Variants in GUCY2D observed in about 807,000 individuals in gnomAD.
GUCY2D encodes the protein retinal guanylyl cyclase 1.
GUCY2D carries 70 observed loss-of-function variants against 101.3 expected under a neutral mutation model. That is an observed-to-expected ratio of 0.69 (90% CI 0.57 to 0.84). GUCY2D has a LOEUF of 0.84. Ranked by LOEUF, GUCY2D falls within the 40% of genes least tolerant of loss-of-function variation. GUCY2D has a pLI of 0.00. For synonymous variants in GUCY2D, 688 were observed against 670.7 expected (o/e 1.03, Z -0.40); for missense variants, 1,460 against 1,542.5 (o/e 0.95, Z 0.90).
At position 8,012,351 on chromosome 17, in the gene GUCY2D, G is replaced by A. The variant is rs763568920; in HGVS notation, c.1956+1G>A. On this transcript the variant is annotated splice_donor_variant, in intron 9 of 19. Coordinates refer to ENST00000254854, the MANE Select transcript of GUCY2D (RefSeq NM_000180.4). LOFTEE classifies it high-confidence loss of function. Reference sequence around the variant, plus strand: ...CTCCCTCCTGCTGGACCTTATCAAGGTGTGTGTCTGGGGGTGGTGGGGTGA... The same window carrying A: ...CTCCCTCCTGCTGGACCTTATCAAGATGTGTGTCTGGGGGTGGTGGGGTGA... The A allele has an allele frequency of 6.2e-7, 1 of 1,612,348 alleles. No individual in the cohort carries two copies. Among genetic ancestry groups the A allele is most frequent in the Non-Finnish European group, 8.5e-7 (1 of 1,178,998 alleles).
rs987726980 is a variant in GUCY2D at position 8,003,262 on chromosome 17, G to T, written c.215G>T (p.Arg72Leu). ...WACDPIFSRA[R>L]PDLAARLAAA... ...TGCGACCCCATCTTCTCTCGGGCTC[G>T]CCCGGACCTGGCCGCCCGCCTGGCC... is the stretch of plus-strand genomic sequence containing the variant. Residue 72 changes from arginine to leucine, a missense_variant, in exon 2 of 20, where the codon CGC becomes CTC. Coordinates refer to ENST00000254854, the MANE Select transcript of GUCY2D (RefSeq NM_000180.4). 11 of 1,505,014 alleles carry T rather than the reference G, an allele frequency of 7.3e-6. No individual in the cohort carries two copies. Among genetic ancestry groups the T allele is most frequent in the South Asian group, 1.2e-5 (1 of 80,128 alleles). 93.2% of individuals were successfully genotyped at this position (1,505,014 alleles called of 1,614,324 possible). A position where few individuals can be genotyped will look rare whatever the true frequency, so the allele number is the denominator to read the frequency against.
intron 7 of GUCY2D, among the ~76,000 whole-genome samples, chr17:8,008,421 A>T (rs999169656): frequency 2.0e-5 from 3 of 152,112 alleles, no homozygotes; most frequent in Non-Finnish European, 4.4e-5. Context: ...CACCCAATTC[A>T]GACCAGACTC....
chr17:8,012,229 A>G lies in GUCY2D; in HGVS notation c.1835A>G (p.Glu612Gly). The change falls in exon 9 of 20, where the codon GAG (glutamate) becomes GGG (glycine). Residue 612 changes from glutamate (E) to glycine (G), a missense_variant. Around this residue, in one of 3 missense-constraint regions of GUCY2D, gnomAD observed 1,196 missense variants for 1,229.6 expected, o/e 0.97. Coordinates refer to ENST00000254854, the MANE Select transcript of GUCY2D (RefSeq NM_000180.4). ...RGAEGPAALW[E>G]GNLAVVSEHC... ...GCAGAAGGCCCTGCGGCCCTCTGGGAGGGCAACCTGGCTGTGGTCTCAGAG... is the reference window on the plus strand; with the variant it reads ...GCAGAAGGCCCTGCGGCCCTCTGGGGGGGCAACCTGGCTGTGGTCTCAGAG... 1 of 1,613,930 alleles carries G rather than the reference A, an allele frequency of 6.2e-7. No individual in the cohort carries two copies. Among genetic ancestry groups the G allele is most frequent in the East Asian group, 2.2e-5 (1 of 44,862 alleles).
At chr17:8,006,836 C>T in intron 4 of GUCY2D, 122 bp downstream of exon 4, 1 of 983,868 alleles carries the variant, frequency 1.0e-6, no homozygotes, top group Non-Finnish European at 1.6e-6. Flanking sequence ...CCTCTCCCAG[C>T]CTCTGGCTTG....
intron 3 of GUCY2D, 122 bp from the exon 4 acceptor site, chr17:8,006,241 C>T (rs551078742): frequency 2.6e-6 from 2 of 761,468 alleles, no homozygotes; most frequent in Non-Finnish European, 2.3e-6. Context: ...GGGGAGGGAT[C>T]CTGGGAACAA....
rs749432012 is a variant in GUCY2D at position 8,003,324 on chromosome 17, G to A, written c.277G>A (p.Gly93Ser). The change falls in exon 2 of 20, where the codon GGT becomes AGT. Residue 93 changes from glycine (G) to serine (S), a missense_variant. Gly to Ser is a moderately conservative substitution (Grantham distance 56). Around this residue, in one of 3 missense-constraint regions of GUCY2D, gnomAD observed 1,196 missense variants for 1,229.6 expected, o/e 0.97. Coordinates refer to ENST00000254854, the MANE Select transcript of GUCY2D (RefSeq NM_000180.4). The part of the protein sequence containing the change: ...RLNRDPGLAG[G>S]PRFEVALLPE... ...GAACCGCGACCCCGGCCTGGCAGGC[G>A]GTCCCCGCTTCGAGGTAGCGCTGCT... 2.0e-6 allele frequency: 3 copies of A among 1,482,898 alleles called. No homozygotes were observed. The African/African-American group carries it at 4.4e-5, about 22-fold the overall frequency. 91.9% of individuals were successfully genotyped at this position (1,482,898 alleles called of 1,614,324 possible). A position where few individuals can be genotyped will look rare whatever the true frequency, so the allele number is the denominator to read the frequency against.
At chr17:8,016,662 G>C in intron 19 of GUCY2D, 108 bp downstream of exon 19, 1 of 635,588 alleles carries the variant, frequency 1.6e-6, no homozygotes, top group Non-Finnish European at 2.8e-6. Context: ...GAGAGCCCAG[G>C]CTGGTTCCTA....
In GUCY2D at chr17:8,016,025, A is replaced by C. The variant is rs1975965582; in HGVS notation, c.3138+4A>C. The C allele has an allele frequency of 6.2e-7, 1 of 1,603,042 alleles. No individual in the cohort carries two copies. Among genetic ancestry groups the C allele is most frequent in the South Asian group, 1.1e-5 (1 of 89,310 alleles). On this transcript the variant is annotated splice_donor_region_variant and intron_variant, in intron 17 of 19. Coordinates refer to ENST00000254854, the MANE Select transcript of GUCY2D (RefSeq NM_000180.4). ...GCGAGGCCGCACGGAGCTGAAGGTG[A>C]GGCAGGGCCCCAACCCCTCCCGGAG...
At chr17:8,020,089 C>CTTTTTTTTTTTTTTTTTTT (rs57273310) in intron 19 of GUCY2D, 39 bp from the exon 20 acceptor site, 1 of 84,292 alleles carries the variant, frequency 1.2e-5, no homozygotes, top group Non-Finnish European at 2.1e-5. Flanking sequence ...CACCTGGCGC[C>CTTTTTTTTTTTTTTTTTTT]TTTTTTTTTT....
In GUCY2D at chr17:8,003,109, G is replaced by A. The variant is rs926004217; in HGVS notation, c.62G>A (p.Trp21Ter). The A allele has an allele frequency of 3.9e-6, 6 of 1,521,952 alleles. No homozygotes were observed. In the African/African-American group the frequency reaches 8.5e-5, roughly 22 times the overall value. 94.3% of individuals were successfully genotyped at this position (1,521,952 alleles called of 1,614,324 possible). A position where few individuals can be genotyped will look rare whatever the true frequency, so the allele number is the denominator to read the frequency against. The change falls in exon 2 of 20, where the codon TGG becomes TAG. Residue 21 changes from tryptophan (W) to a stop codon, truncating the protein, a stop_gained. Coordinates refer to ENST00000254854, the MANE Select transcript of GUCY2D (RefSeq NM_000180.4). LOFTEE classifies it high-confidence loss of function. The part of the protein sequence containing the change: ...LPDPGLCGPA[W>*]WAPSLPRLPR... ...GACCCCGGGCTCTGCGGTCCCGCGT[G>A]GTGGGCTCCGTCCCTGCCCCGCCTC...
intron 19 of GUCY2D, among the ~76,000 whole-genome samples, chr17:8,018,739 ATTCCT>A (rs888527213): frequency 6.6e-6 from 1 of 151,872 alleles, no homozygotes; most frequent in African/African-American, 2.4e-5. Context: ...TTTTTTGAAC[ATTCCT>A]TTATATTCCT....
Position 8,015,455 on chromosome 17 carries a change from G to A in GUCY2D, c.2897G>A (p.Arg966His), listed in dbSNP as rs1417190573. The part of the protein sequence containing the change: ...ILSAVGTFRM[R>H]HMPEVPVRIR... ...AGTGCCGTGGGCACTTTCCGCATGC[G>A]CCATATGCCTGAGGTTCCCGTGCGC... Residue 966 changes from arginine to histidine, a missense_variant, in exon 15 of 20, where the codon CGC (arginine) becomes CAC (histidine). By Grantham distance (29) the Arg-to-His change is conservative. Transcript: ENST00000254854. 2.0e-5 allele frequency: 32 copies of A among 1,613,516 alleles called. No individual in the cohort carries two copies. The South Asian group carries it at 3.1e-4, about 16-fold the overall frequency.
Position 8,003,184 on chromosome 17 carries a change from A to T in GUCY2D, c.137A>T (p.Gln46Leu), listed in dbSNP as rs1975662923. The change falls in exon 2 of 20, where the codon CAG becomes CTG. Residue 46 changes from glutamine to leucine, a missense_variant. By Grantham distance (113) the Gln-to-Leu change is moderately radical (BLOSUM62 -2). This residue lies in a region of GUCY2D where 1,196 missense variants were observed against 1,229.6 expected (regional missense o/e 0.97). Transcript: ENST00000254854. Reference sequence around the variant, plus strand: ...CTCCTGCTGCTCCTGCTTCTGCTGCAGCCCCCCGCCCTCTCCGCCGTGTTC... The same window carrying T: ...CTCCTGCTGCTCCTGCTTCTGCTGCTGCCCCCCGCCCTCTCCGCCGTGTTC... ...LPLLLLLLLL[Q>L]PPALSAVFTV... 6.6e-7 allele frequency: 1 copy of T among 1,513,390 alleles called. No individual in the cohort carries two copies. The highest frequency in any genetic ancestry group is 1.4e-5 in the African/African-American group (1 of 69,204). The allele number at this position is 1,513,390 out of a possible 1,614,324, so 93.7% of individuals were successfully genotyped here.
rs758260297 is a variant in GUCY2D at position 8,003,269 on chromosome 17, C to T, written c.222C>T (p.Asp74=). Residue 74 remains aspartate (D), a synonymous_variant, in exon 2 of 20, where the codon GAC becomes GAT. Transcript: ENST00000254854. ...CDPIFSRARP[D]LAARLAAARL... ...CCATCTTCTCTCGGGCTCGCCCGGA[C>T]CTGGCCGCCCGCCTGGCCGCCGCCC... The T allele has an allele frequency of 6.7e-7, 1 of 1,500,072 alleles. No individual in the cohort carries two copies. Among genetic ancestry groups the T allele is most frequent in the South Asian group, 1.3e-5 (1 of 79,710 alleles). The allele number at this position is 1,500,072 out of a possible 1,614,324, so 92.9% of individuals were successfully genotyped here.
At chr17:8,012,769 C>A (rs1196756482) in intron 10 of GUCY2D, among the ~76,000 whole-genome samples, 163 bp downstream of exon 10, 1 of 152,188 alleles carries the variant, frequency 6.6e-6, no homozygotes, top group East Asian at 1.9e-4. Flanking sequence ...AGAGGGTGGG[C>A]TCTGTGACTT....
At chr17:8,017,567 G>T (rs1976001315) in intron 19 of GUCY2D, among the ~76,000 whole-genome samples, 1 of 152,194 alleles carries the variant, frequency 6.6e-6, no homozygotes, top group African/African-American at 2.4e-5. Flanking sequence ...AGAAAAGCTT[G>T]CTTCAATGCT....
At chr17:8,017,281 C>T (rs1975996388) in intron 19 of GUCY2D, among the ~76,000 whole-genome samples, 2 of 152,088 alleles carry the variant, frequency 1.3e-5, no homozygotes, top group Non-Finnish European at 2.9e-5. Flanking sequence ...GGCTTGTGGC[C>T]CTCACCCCCA....
chr17:8,017,454 G>A (rs1255902427), intron 19 of GUCY2D, among the ~76,000 whole-genome samples: 4 of 152,178 alleles, frequency 2.6e-5, no homozygotes, highest in African/African-American at 9.7e-5. Context: ...AGGGGGCAAG[G>A]GCTCCTGTTT....
intron 18 of GUCY2D, 30 bp downstream of exon 18, chr17:8,016,320 G>T: frequency 6.7e-7 from 1 of 1,495,686 alleles, no homozygotes; most frequent in Non-Finnish European, 9.1e-7. Flanking sequence ...GGCAGGGCGA[G>T]GGACGAGGGA....
Sources: gnomAD v4.1 joint callset for allele counts (sites outside exome capture counted in the v4.1 genomes callset) on GRCh38, gnomAD v4.1.1 for gene constraint, gnomAD v4.1.1 regional missense constraint, MANE v1.5 for transcripts, NCBI Gene and HGNC (gene_info 2026-07-23, HGNC 2026-07-21) for gene names.